The following MPPED2 variants were observed in gnomAD, a reference collection of about 807,000 sequenced individuals.
MPPED2 encodes the protein metallophosphoesterase MPPED2.
In MPPED2, 5 loss-of-function variants were observed where a neutral mutation model predicts 33.0. The observed-to-expected ratio is 0.15, with a 90% CI of 0.08 to 0.32. The LOEUF is 0.32. Ranked by LOEUF, MPPED2 falls within the 10% of genes least tolerant of loss-of-function variation. The probability of loss-of-function intolerance (pLI) is 1.00; values close to 1 mark genes in which losing one functional copy is unlikely to be tolerated. For synonymous variants in MPPED2, 136 were observed against 141.9 expected (o/e 0.96, Z 0.29); for missense variants, 275 against 372.1 (o/e 0.74, Z 2.15).
chr11:30,411,982 A>G (rs1435423662), intron 6 of MPPED2, among the ~76,000 whole-genome samples: 1 of 151,992 alleles, frequency 6.6e-6, no homozygotes, highest in African/African-American at 2.4e-5. Flanking sequence ...TCAGGGGCAA[A>G]CACAACTAAA....
intron 4 of MPPED2, chr11:30,451,894 C>A (rs1333790534): frequency 1.0e-6 from 1 of 985,076 alleles, no homozygotes; most frequent in African/African-American, 1.7e-5. Flanking sequence ...CAGCTCAATG[C>A]AATTGTGGGC....
chr11:30,458,890 T>C (rs956552638), intron 4 of MPPED2, among the ~76,000 whole-genome samples: 23 of 151,646 alleles, frequency 1.5e-4, no homozygotes, highest in Non-Finnish European at 1.6e-4. Flanking sequence ...TACTTAAATT[T>C]TTTTAGGACA....
chr11:30,494,322 C>T (rs924982536), intron 4 of MPPED2, among the ~76,000 whole-genome samples: 2 of 152,116 alleles, frequency 1.3e-5, no homozygotes, highest in African/African-American at 4.8e-5. Context: ...ATGGTGACCT[C>T]CTCTCAAATC....
chr11:30,581,866 C>T (rs66743582), intron 1 of MPPED2, among the ~76,000 whole-genome samples: 54,804 of 151,950 alleles, frequency 0.36, 10,232 homozygotes, highest in South Asian at 0.51. Flanking sequence ...AGAGATGAAT[C>T]CCCGTGCTCT....
At chr11:30,460,735 G>T (rs1404734752) in intron 4 of MPPED2, among the ~76,000 whole-genome samples, 4 of 152,174 alleles carry the variant, frequency 2.6e-5, no homozygotes, top group Non-Finnish European at 5.9e-5. Context: ...AGGGTGTGAT[G>T]GGAATTATGT....
chr11:30,419,674 T>G (rs1285549991), intron 4 of MPPED2, among the ~76,000 whole-genome samples: 1 of 152,168 alleles, frequency 6.6e-6, no homozygotes, highest in African/African-American at 2.4e-5. Context: ...ACCCAAGTTG[T>G]GTCAATGAGA....
chr11:30,535,537 C>G (rs1010964844), intron 3 of MPPED2, among the ~76,000 whole-genome samples: 2 of 152,190 alleles, frequency 1.3e-5, no homozygotes, highest in Non-Finnish European at 2.9e-5. Context: ...CCAAGCAGCA[C>G]TGTGCTATAG....
intron 6 of MPPED2, among the ~76,000 whole-genome samples, chr11:30,395,781 A>G (rs1479317540): frequency 6.6e-6 from 1 of 152,158 alleles, no homozygotes; most frequent in East Asian, 1.9e-4. Flanking sequence ...TTAAATGCCA[A>G]TTACCTGCTT....
At chr11:30,484,171 G>GA (rs995650777) in intron 4 of MPPED2, among the ~76,000 whole-genome samples, 1 of 152,032 alleles carries the variant, frequency 6.6e-6, no homozygotes, top group Non-Finnish European at 1.5e-5. Flanking sequence ...CATTGGGCCT[G>GA]AAAATATCTA....
chr11:30,503,579 C>A (rs1337541906), intron 3 of MPPED2, among the ~76,000 whole-genome samples: 1 of 152,062 alleles, frequency 6.6e-6, no homozygotes, highest in Admixed American at 6.6e-5. Flanking sequence ...CCTGCTAAAA[C>A]CAAGAGAAAA....
At position 30,480,561 on chromosome 11, in the gene MPPED2, A is replaced by G. The variant is rs976253209; in HGVS notation, c.536+14735T>C. ...ATCAAGCTGAAGCACTTATTAAACTATCTCACAGGACTAAATTTATCACTG... is the reference window on the plus strand; with the variant it reads ...ATCAAGCTGAAGCACTTATTAAACTGTCTCACAGGACTAAATTTATCACTG... On this transcript the variant is annotated intron_variant, in intron 4 of 6. Coordinates refer to ENST00000358117, the MANE Select transcript of MPPED2 (RefSeq NM_001584.3). Among the ~76,000 whole-genome samples, 8 of 152,244 alleles carry G rather than the reference A, an allele frequency of 5.3e-5. No homozygotes were observed. The Middle Eastern group carries it at 0.01, about 194-fold the overall frequency.
Position 30,573,069 on chromosome 11 carries a change from T to C in MPPED2, c.128+7177A>G, listed in dbSNP as rs186234679. Among the ~76,000 whole-genome samples the C allele has an allele frequency of 5.3e-5, 8 of 152,292 alleles. No individual in the cohort carries two copies. In the East Asian group the frequency reaches 1.5e-3, roughly 29 times the overall value. ...CCTGAAACGCTATCAAGAAGTCTATTACTGTATACTCTTTTAGCTTCCCCA... is the reference window on the plus strand; with the variant it reads ...CCTGAAACGCTATCAAGAAGTCTATCACTGTATACTCTTTTAGCTTCCCCA... On this transcript the variant is annotated intron_variant, in intron 2 of 6. Coordinates refer to ENST00000358117, the MANE Select transcript of MPPED2 (RefSeq NM_001584.3).
intron 6 of MPPED2, among the ~76,000 whole-genome samples, chr11:30,392,277 T>C (rs1947788972): frequency 6.6e-6 from 1 of 152,202 alleles, no homozygotes; most frequent in African/African-American, 2.4e-5. Context: ...TCTCTTGAAA[T>C]GTCAAATGCT....
At chr11:30,499,111 T>C (rs1952436542) in intron 3 of MPPED2, among the ~76,000 whole-genome samples, 1 of 152,116 alleles carries the variant, frequency 6.6e-6, no homozygotes, top group African/African-American at 2.4e-5. Context: ...TTTGTCCAGG[T>C]TCCTCTCTAG....
intron 4 of MPPED2, among the ~76,000 whole-genome samples, chr11:30,440,608 T>C (rs373636768): frequency 1.3e-4 from 20 of 152,322 alleles, no homozygotes; most frequent in African/African-American, 4.8e-4. Flanking sequence ...TCAATGAGGT[T>C]AACCTCTTTA....
At chr11:30,530,657 G>T (rs992441223) in intron 3 of MPPED2, among the ~76,000 whole-genome samples, 6 of 152,200 alleles carry the variant, frequency 3.9e-5, no homozygotes, top group African/African-American at 7.2e-5. Flanking sequence ...CTGGGTATGG[G>T]CATAAGGGAA....
At chr11:30,458,888 T>C (rs1590355702) in intron 4 of MPPED2, among the ~76,000 whole-genome samples, 2 of 151,498 alleles carry the variant, frequency 1.3e-5, no homozygotes, top group South Asian at 4.2e-4. Flanking sequence ...ACTACTTAAA[T>C]TTTTTTAGGA....
downstream of MPPED2, among the ~76,000 whole-genome samples, chr11:30,406,647 TA>T (rs765535139): frequency 4.6e-5 from 7 of 152,056 alleles, no homozygotes; most frequent in Non-Finnish European, 8.8e-5. Context: ...GAAAACAAAA[TA>T]AAACAAACAA....
At chr11:30,567,855 T>TAA (rs1444591768) in intron 2 of MPPED2, among the ~76,000 whole-genome samples, 1 of 152,194 alleles carries the variant, frequency 6.6e-6, no homozygotes, top group African/African-American at 2.4e-5. Context: ...AGCTAAGTGT[T>TAA]TATTAAGTCT....
Sources: gnomAD v4.1 joint callset for allele counts (sites outside exome capture counted in the v4.1 genomes callset) on GRCh38, gnomAD v4.1.1 for gene constraint, MANE v1.5 for transcripts, NCBI Gene and HGNC (gene_info 2026-07-23, HGNC 2026-07-21) for gene names.